SEC14L3: variants seen among roughly 807,000 people sequenced by gnomAD.
SEC14L3 encodes the protein SEC14-like protein 3.
SEC14L3 carries 56 observed loss-of-function variants against 57.4 expected under a neutral mutation model. The ratio of observed to expected loss-of-function variants is 0.97; its 90% CI spans 0.79 to 1.22. SEC14L3 has a LOEUF of 1.22. Ranked by LOEUF, SEC14L3 falls within the 50% of genes most tolerant of loss-of-function variation. SEC14L3 has a pLI of 0.00. For missense variants in SEC14L3, 485 were observed against 511.7 expected, an observed-to-expected ratio of 0.95 and a Z score of 0.50; for synonymous variants, 173 against 194.4, an observed-to-expected ratio of 0.89 and a Z score of 0.92.
At chr22:30,460,692 G>A (rs111392654) in intron 11 of SEC14L3, among the ~76,000 whole-genome samples, 1 of 64 alleles carries the variant, frequency 0.016, no homozygotes, top group Admixed American at 0.071. Flanking sequence ...AATTAAGTGT[G>A]GTGCACATGC....
chr22:30,449,382 T>G (rs933142367), intron 12 of SEC14L3: 1 of 1,244,896 alleles, frequency 8.0e-7, no homozygotes. Context: ...CATTCTATAA[T>G]AGAATGACAT....
chr22:30,470,183 C>T (rs1369416212), intron 3 of SEC14L3, 29 bp downstream of exon 3: 3 of 1,613,934 alleles, frequency 1.9e-6, no homozygotes, highest in Non-Finnish European at 2.5e-6. Flanking sequence ...AAATCCCCTC[C>T]ATAAATTTCC....
In SEC14L3 at chr22:30,460,021, C is replaced by T. The variant is rs772806335; in HGVS notation, c.1203G>A (p.Ter401=). ...GGTCTCTGAGAAATGAGGGAGCCACCTAGACAGGGGTGAGCTCCTTATCAT... is the reference window on the plus strand; with the variant it reads ...GGTCTCTGAGAAATGAGGGAGCCACTTAGACAGGGGTGAGCTCCTTATCAT... ...QKYDKELTPV[*] Residue 401 remains the stop codon, a stop_retained_variant, in exon 12 of 12, where the codon TAG becomes TAA. Coordinates refer to ENST00000215812, the MANE Select transcript of SEC14L3 (RefSeq NM_174975.5). The T allele has an allele frequency of 1.2e-6, 2 of 1,613,808 alleles. No homozygotes were observed. Among genetic ancestry groups the T allele is most frequent in the East Asian group, 2.2e-5 (1 of 44,882 alleles).
At chr22:30,461,061 CTTG>C (rs1935239452) in intron 11 of SEC14L3, among the ~76,000 whole-genome samples, 1 of 152,138 alleles carries the variant, frequency 6.6e-6, no homozygotes, top group East Asian at 1.9e-4. Context: ...TGCCCTATCA[CTTG>C]TTGTCTGTGT....
At chr22:30,468,885 G>A (rs938549922) in intron 4 of SEC14L3, 189 bp from the exon 5 acceptor site, 6 of 1,532,170 alleles carry the variant, frequency 3.9e-6, no homozygotes, top group Non-Finnish European at 4.4e-6. Flanking sequence ...CTCACAGAGG[G>A]TAAATGGCAA....
chr22:30,460,035 G>T lies in SEC14L3; in HGVS notation c.1189C>A (p.Leu397Ile), dbSNP rs759303661. Residue 397 changes from leucine (L) to isoleucine (I), a missense_variant, in exon 12 of 12, where the codon CTC becomes ATC. By Grantham distance (5) the Leu-to-Ile change is conservative (BLOSUM62 2). Transcript: ENST00000215812. ...GAGGGAGCCACCTAGACAGGGGTGA[G>T]CTCCTTATCATATTTCTGCATGCCC... ...DEGMQKYDKE[L>I]TPV 1 of 1,613,996 alleles carries T rather than the reference G, an allele frequency of 6.2e-7. No homozygotes were observed.
At chr22:30,468,811 C>G in intron 4 of SEC14L3, 115 bp from the exon 5 acceptor site, 1 of 1,590,926 alleles carries the variant, frequency 6.3e-7, no homozygotes, top group Non-Finnish European at 8.6e-7. Flanking sequence ...AGCACTGTCC[C>G]TCCCTGGAAG....
Position 30,450,543 on chromosome 22 carries a change from T to C in SEC14L3, c.905-1299A>G, listed in dbSNP as rs189074163. Among the ~76,000 whole-genome samples, 3 of 152,308 alleles carry C rather than the reference T, an allele frequency of 2.0e-5. No homozygotes were observed. The East Asian group carries it at 5.8e-4, about 29-fold the overall frequency. The stretch of plus-strand genomic sequence containing the variant: ...GTCTCGAACTCCTGACCTCAAGTGA[T>C]CTACCTGCCTCTGCCTTCCAAAGTG... On this transcript the variant is annotated intron_variant, in intron 12 of 12. Coordinates refer to the SEC14L3 transcript ENST00000403066.
chr22:30,469,773 C>G (rs1477798555), intron 4 of SEC14L3, among the ~76,000 whole-genome samples: 1 of 152,224 alleles, frequency 6.6e-6, no homozygotes, highest in Non-Finnish European at 1.5e-5. Context: ...TCAGTGTCCT[C>G]ATCCACAAAA....
intron 1 of SEC14L3, 49 bp downstream of exon 1, chr22:30,471,856 C>CA: frequency 6.2e-7 from 1 of 1,612,756 alleles, no homozygotes; most frequent in African/African-American, 1.3e-5. Flanking sequence ...TTCCACCCCC[C>CA]AGCCCCTTTC....
intron 11 of SEC14L3, among the ~76,000 whole-genome samples, chr22:30,460,556 G>A (rs987054029): frequency 2.6e-5 from 4 of 152,152 alleles, no homozygotes; most frequent in South Asian, 2.1e-4. Context: ...GGTGTTGGCC[G>A]GGCACAGTGG....
chr22:30,457,120 GT>G (rs1268311191), downstream of SEC14L3, among the ~76,000 whole-genome samples: 1 of 152,056 alleles, frequency 6.6e-6, no homozygotes, highest in Non-Finnish European at 1.5e-5. Flanking sequence ...GTGGTCAAGG[GT>G]GAGACCACCC....
downstream of SEC14L3, among the ~76,000 whole-genome samples, chr22:30,459,039 C>G (rs535707058): frequency 1.4e-4 from 22 of 152,116 alleles, no homozygotes; most frequent in South Asian, 4.4e-3. Context: ...AATAAACAAA[C>G]AAACGAACAC....
At chr22:30,457,551 T>C (rs1211166204), downstream of SEC14L3, among the ~76,000 whole-genome samples, 1 of 152,010 alleles carries the variant, frequency 6.6e-6, no homozygotes, top group Non-Finnish European at 1.5e-5. Context: ...CCAGGCTAAA[T>C]TTTGTATTTT....
intron 8 of SEC14L3, among the ~76,000 whole-genome samples, chr22:30,462,921 G>C (rs1440853863): frequency 6.6e-6 from 1 of 152,020 alleles, no homozygotes; most frequent in Admixed American, 6.6e-5. Flanking sequence ...ATTTTTAGTA[G>C]AGACGGGGTT....
intron 12 of SEC14L3, among the ~76,000 whole-genome samples, chr22:30,452,833 C>A (rs534124872): frequency 2.0e-5 from 3 of 151,986 alleles, no homozygotes; most frequent in African/African-American, 7.2e-5. Flanking sequence ...CCCACTTCAG[C>A]CTCCTGAGTA....
intron 12 of SEC14L3, among the ~76,000 whole-genome samples, chr22:30,453,665 G>A (rs750730965): frequency 5.3e-5 from 8 of 152,266 alleles, no homozygotes; most frequent in Middle Eastern, 3.4e-3. Context: ...CACCCACCTC[G>A]GCCTCCCGAA....
At chr22:30,460,624 A>G (rs887066552) in intron 11 of SEC14L3, among the ~76,000 whole-genome samples, 2 of 152,104 alleles carry the variant, frequency 1.3e-5, no homozygotes, top group African/African-American at 4.8e-5. Context: ...ACTTGAGGTC[A>G]GGAGTTCGAG....
intron 9 of SEC14L3, 116 bp downstream of exon 9, chr22:30,461,970 C>T: frequency 8.4e-7 from 1 of 1,190,116 alleles, no homozygotes; most frequent in South Asian, 1.3e-5. Flanking sequence ...TATTGACTAG[C>T]TTAACACCCA....
Sources: gnomAD v4.1 joint callset for allele counts (sites outside exome capture counted in the v4.1 genomes callset) on GRCh38, gnomAD v4.1.1 for gene constraint, MANE v1.5 for transcripts, NCBI Gene and HGNC (gene_info 2026-07-23, HGNC 2026-07-21) for gene names.